VSIR: variants seen among roughly 807,000 people sequenced by gnomAD.
VSIR encodes the protein V-set immunoregulatory receptor, also known as V-type immunoglobulin domain-containing suppressor of T-cell activation.
VSIR carries 10 observed loss-of-function variants against 31.0 expected under a neutral mutation model. The ratio of observed to expected loss-of-function variants is 0.32; its 90% CI spans 0.20 to 0.55. VSIR has a LOEUF of 0.55. Among genes scored for constraint, VSIR ranks in the 20% least tolerant of loss-of-function variants. The pLI is 0.93. For missense variants in VSIR, 356 were observed against 416.2 expected (o/e 0.86, Z 1.26); for synonymous variants, 179 against 180.1 (o/e 0.99, Z 0.05).
Position 71,773,379 on chromosome 10 carries a change from G to C in VSIR, c.61C>G (p.Leu21Val), listed in dbSNP as rs1394050536. Residue 21 changes from leucine to valine, a missense_variant, in exon 1 of 7, where the codon CTC becomes GTC. This residue lies in a region of VSIR where 166 missense variants were observed against 231.0 expected (regional missense o/e 0.72). Coordinates refer to ENST00000394957, the MANE Select transcript of VSIR (RefSeq NM_022153.2). Reference sequence around the variant, plus strand: ...TTACCTAGGGACGCAGCCAGGAAGAGAGCGAAGAGCAGGGATCCCCAGCGC... The same window carrying C: ...TTACCTAGGGACGCAGCCAGGAAGACAGCGAAGAGCAGGGATCCCCAGCGC... ...SWRWGSLLFA[L>V]FLAASLGPVA... 2 of 1,610,162 alleles carry C rather than the reference G, an allele frequency of 1.2e-6. No individual in the cohort carries two copies. Among genetic ancestry groups the C allele is most frequent in the South Asian group, 1.1e-5 (1 of 90,488 alleles).
chr10:71,766,886 A>G (rs1840559424), intron 1 of VSIR, among the ~76,000 whole-genome samples: 1 of 152,306 alleles, frequency 6.6e-6, no homozygotes, highest in African/African-American at 2.4e-5. Flanking sequence ...TCCTTCAGCT[A>G]TTTAGAAAAA....
At chr10:71,754,770 T>C (rs892310524) in intron 4 of VSIR, among the ~76,000 whole-genome samples, 6 of 152,166 alleles carry the variant, frequency 3.9e-5, no homozygotes, top group Non-Finnish European at 8.8e-5. Flanking sequence ...ATTTTTATTA[T>C]ATGGTGGACT....
chr10:71,754,756 G>A (rs1287659942), intron 4 of VSIR, among the ~76,000 whole-genome samples: 1 of 152,198 alleles, frequency 6.6e-6, no homozygotes, highest in Admixed American at 6.5e-5. Context: ...GAGTAAGTGA[G>A]AGCATTTTTA....
chr10:71,767,887 G>A (rs1454711029), intron 1 of VSIR, among the ~76,000 whole-genome samples: 10 of 152,158 alleles, frequency 6.6e-5, no homozygotes, highest in South Asian at 6.2e-4. Context: ...CCGTGCATCC[G>A]GGGCTGGAGC....
chr10:71,762,521 C>CA (rs1225315850), intron 1 of VSIR, among the ~76,000 whole-genome samples: 2 of 152,256 alleles, frequency 1.3e-5, no homozygotes, highest in Non-Finnish European at 2.9e-5. Flanking sequence ...CCAGGTGCTG[C>CA]ATCTCACCTG....
At chr10:71,752,104 G>A (rs1840019610) in intron 5 of VSIR, 2 of 672,114 alleles carry the variant, frequency 3.0e-6, no homozygotes, top group African/African-American at 3.5e-5. Context: ...GCTCCTCCCT[G>A]TGGTCTGACC....
intron 1 of VSIR, among the ~76,000 whole-genome samples, 195 bp downstream of exon 1, chr10:71,773,163 C>T (rs1422134557): frequency 1.3e-5 from 2 of 152,206 alleles, no homozygotes; most frequent in East Asian, 3.8e-4. Context: ...GTGCCCGATG[C>T]CTAGCTGGGG....
intron 1 of VSIR, 74 bp downstream of exon 1, chr10:71,773,284 C>A: frequency 6.7e-7 from 1 of 1,498,788 alleles, no homozygotes; most frequent in Non-Finnish European, 9.1e-7. Flanking sequence ...AGGACGCCCC[C>A]ATCCCACAGT....
At chr10:71,767,101 T>C (rs1489401626) in intron 1 of VSIR, among the ~76,000 whole-genome samples, 3 of 152,206 alleles carry the variant, frequency 2.0e-5, no homozygotes, top group Non-Finnish European at 4.4e-5. Context: ...GTGCCTGAGA[T>C]TTCTAGCTGT....
At chr10:71,761,334 G>GGTGTGTCACACT (rs1840378102) in intron 2 of VSIR, among the ~76,000 whole-genome samples, 4 of 152,128 alleles carry the variant, frequency 2.6e-5, no homozygotes, top group Admixed American at 2.0e-4. Context: ...CACACTCCCA[G>GGTGTGTCACACT]CCCAGGTACC....
At chr10:71,760,774 G>A (rs1589404856) in intron 3 of VSIR, 94 bp downstream of exon 3, 10 of 1,193,752 alleles carry the variant, frequency 8.4e-6, no homozygotes, top group African/African-American at 3.0e-5. Flanking sequence ...GAGGGCTTGG[G>A]GTGATGAGGC....
intron 3 of VSIR, 61 bp downstream of exon 3, chr10:71,760,807 G>T: frequency 6.6e-7 from 1 of 1,520,938 alleles, no homozygotes; most frequent in Non-Finnish European, 9.1e-7. Flanking sequence ...CAGGGTCTGG[G>T]TGCAGGATGA....
At chr10:71,769,387 C>A (rs1488470531) in intron 1 of VSIR, among the ~76,000 whole-genome samples, 1 of 152,044 alleles carries the variant, frequency 6.6e-6, no homozygotes, top group East Asian at 1.9e-4. Context: ...TGGTTTTGTT[C>A]TATTTATGAC....
At position 71,759,988 on chromosome 10, in the gene VSIR, T is replaced by TATATAC. The variant is rs1564779516; in HGVS notation, c.568+879_568+880insGTATAT. ...ATATATATACACACACACATATATA[T>TATATAC]ACACACACACATACATATATATACA... is the stretch of plus-strand genomic sequence containing the variant. On this transcript the variant is annotated intron_variant, in intron 3 of 6. Transcript: ENST00000394957. Among the ~76,000 whole-genome samples the TATATAC allele has an allele frequency of 5.9e-4, 39 of 66,068 alleles. 10 individuals are homozygous for TATATAC. Among genetic ancestry groups the TATATAC allele is most frequent in the African/African-American group, 1.6e-3 (33 of 20,754 alleles). The allele number at this position is 66,068 out of a possible 152,430, so 43.3% of individuals were successfully genotyped here.
intron 2 of VSIR, 57 bp from the exon 3 acceptor site, chr10:71,760,981 G>A: frequency 6.5e-7 from 1 of 1,549,022 alleles, no homozygotes; most frequent in East Asian, 2.2e-5. Flanking sequence ...AGGCCAGGGA[G>A]GCTTGTCCAG....
intron 4 of VSIR, among the ~76,000 whole-genome samples, chr10:71,754,459 C>T (rs755753513): frequency 1.3e-5 from 2 of 152,120 alleles, no homozygotes; most frequent in Non-Finnish European, 1.5e-5. Context: ...GCCAGGCAGA[C>T]GGGAAGAGGC....
intron 3 of VSIR, among the ~76,000 whole-genome samples, chr10:71,760,295 AT>A (rs1840341809): frequency 9.2e-6 from 1 of 108,408 alleles, no homozygotes; most frequent in Non-Finnish European, 2.2e-5. Context: ...ATATGTGTAT[AT>A]ATATGTATAT....
Position 71,751,154 on chromosome 10 carries a change from AC to A in VSIR, c.*98del. 1 of 1,387,264 alleles carries A rather than the reference AC, an allele frequency of 7.2e-7. No homozygotes were observed. Among genetic ancestry groups the A allele is most frequent in the Non-Finnish European group, 9.9e-7 (1 of 1,012,424 alleles). The allele number at this position is 1,387,264 out of a possible 1,614,324, so 85.9% of individuals were successfully genotyped here. On this transcript the variant is annotated 3_prime_UTR_variant, in exon 7 of 7. Transcript: ENST00000394957. The surrounding 1 kb of genome is among the most constrained non-coding windows in gnomAD (Gnocchi z 4.9). The stretch of plus-strand genomic sequence containing the variant: ...CTGAGCCCAGAGCAGGAGGGAGGGA[AC>A]CAGGGCCGAGGCCAAGGAGGCCACT...
chr10:71,770,749 C>G (rs2132910785), intron 1 of VSIR, among the ~76,000 whole-genome samples: 1 of 152,332 alleles, frequency 6.6e-6, no homozygotes, highest in African/African-American at 2.4e-5. Flanking sequence ...CAGCACACTC[C>G]TGCCTGGACC....
Sources: gnomAD v4.1 joint callset for allele counts (sites outside exome capture counted in the v4.1 genomes callset) on GRCh38, gnomAD v4.1.1 for gene constraint, gnomAD v4.1.1 regional missense constraint, Gnocchi (gnomAD v3.1) non-coding constraint, MANE v1.5 for transcripts, NCBI Gene and HGNC (gene_info 2026-07-23, HGNC 2026-07-21) for gene names.